MYH10: variants seen among roughly 807,000 people sequenced by gnomAD.
MYH10 encodes myosin heavy chain 10, also known as myosin-10.
A neutral mutation model predicts 257.8 loss-of-function variants in MYH10; 55 were observed. The observed-to-expected ratio is 0.21, with a 90% CI of 0.17 to 0.27. MYH10 has a LOEUF of 0.27. Among genes scored for constraint, MYH10 ranks in the 10% least tolerant of loss-of-function variants. The pLI is 1.00. For missense variants in MYH10, 1,631 were observed against 2,500.6 expected (o/e 0.65, Z 7.42); for synonymous variants, 854 against 921.7 (o/e 0.93, Z 1.33).
chr17:8,629,949 C>G (rs1039843781), intron 1 of MYH10, among the ~76,000 whole-genome samples: 2 of 151,974 alleles, frequency 1.3e-5, no homozygotes, highest in Non-Finnish European at 2.9e-5. Flanking sequence ...GCCCCTCACC[C>G]GCCGCGCGCT....
At chr17:8,517,046 G>C (rs1473929199) in intron 21 of MYH10, among the ~76,000 whole-genome samples, 1 of 151,994 alleles carries the variant, frequency 6.6e-6, no homozygotes, top group Admixed American at 6.5e-5. Context: ...GAGGCTGAGG[G>C]AGGAGAATGG....
At chr17:8,579,384 T>A (rs536707255) in intron 4 of MYH10, among the ~76,000 whole-genome samples, 44 of 152,312 alleles carry the variant, frequency 2.9e-4, no homozygotes, top group African/African-American at 1.1e-3. Context: ...TGCACCCAGA[T>A]AACCACAAAC....
Position 8,481,366 on chromosome 17 carries a change from C to T in MYH10, c.5220G>A (p.Glu1740=). 1.2e-6 allele frequency: 2 copies of T among 1,614,140 alleles called. No homozygotes were observed. Among genetic ancestry groups the T allele is most frequent in the Non-Finnish European group, 1.7e-6 (2 of 1,180,026 alleles). ...SERARRHAEQ[E]RDELADEITN... The stretch of plus-strand genomic sequence containing the variant: ...TGATCTCGTCCGCCAGCTCATCTCT[C>T]TCCTGCTCGGCGTGTCGGCGGGCTC... Residue 1740 remains glutamate, a synonymous_variant, in exon 38 of 43, where the codon GAG becomes GAA. Transcript: ENST00000360416.
Position 8,506,167 on chromosome 17 carries a change from C to A in MYH10, c.3386+151G>T. On this transcript the variant is annotated intron_variant, in intron 27 of 42. Coordinates refer to ENST00000360416, the MANE Select transcript of MYH10 (RefSeq NM_001256012.3). This position sits in a 1 kb window ranked among gnomAD's most constrained non-coding sequence, Gnocchi z 5.0. ...TTGCTGTCCTGACACAAATTCTGTA[C>A]GCCTGGGCTTTTCACTTTCTCAGGT... 2 of 676,036 alleles carry A rather than the reference C, an allele frequency of 3.0e-6. No individual in the cohort carries two copies. Among genetic ancestry groups the A allele is most frequent in the South Asian group, 2.6e-5 (1 of 38,778 alleles). 41.9% of individuals were successfully genotyped at this position (676,036 alleles called of 1,614,324 possible).
intron 3 of MYH10, among the ~76,000 whole-genome samples, chr17:8,603,185 G>A (rs147335327): frequency 3.5e-4 from 54 of 152,220 alleles, no homozygotes; most frequent in African/African-American, 1.2e-3. Context: ...TTCATCAAAT[G>A]TATCATTATC....
rs576191444 is a variant in MYH10, at chr17:8,493,425, A to G, written c.4209+308T>C. On this transcript the variant is annotated intron_variant, in intron 32 of 42. Transcript: ENST00000360416. ...TTTGTTTTTAATATTTTGAGAGAAG[A>G]AAAATCAATACTGTGATTTTAAAAC... 1.4e-4 allele frequency among the ~76,000 whole-genome samples: 21 copies of G among 152,314 alleles called. No individual in the cohort carries two copies. In the East Asian group the frequency reaches 3.9e-3, roughly 28 times the overall value.
intron 3 of MYH10, 108 bp downstream of exon 3, chr17:8,604,718 T>C: frequency 1.2e-6 from 1 of 851,832 alleles, no homozygotes; most frequent in Non-Finnish European, 1.6e-6. Context: ...TTTTTATTAA[T>C]TTTAAAAAAA....
At chr17:8,493,386 G>GA (rs1041455835) in intron 32 of MYH10, among the ~76,000 whole-genome samples, 41 of 145,250 alleles carry the variant, frequency 2.8e-4, no homozygotes, top group Middle Eastern at 3.6e-3. Flanking sequence ...TGCCTTTGAA[G>GA]AAAAAAAAAA....
At chr17:8,496,065 G>A (rs1403752464) in intron 30 of MYH10, among the ~76,000 whole-genome samples, 1 of 152,164 alleles carries the variant, frequency 6.6e-6, no homozygotes, top group Non-Finnish European at 1.5e-5. Flanking sequence ...GAATATTTAA[G>A]CTATTTCTTA....
At chr17:8,629,722 G>A (rs1339386282) in intron 1 of MYH10, among the ~76,000 whole-genome samples, 2 of 152,104 alleles carry the variant, frequency 1.3e-5, no homozygotes. Flanking sequence ...CACAATAAAG[G>A]GATCCCGAGG....
rs2082112563 is a variant in MYH10 at position 8,535,322 on chromosome 17, A to G, written c.1894+65T>C. 14 of 1,232,728 alleles carry G rather than the reference A, an allele frequency of 1.1e-5. No individual in the cohort carries two copies. Among genetic ancestry groups the G allele is most frequent in the African/African-American group, 1.5e-5 (1 of 66,084 alleles). 76.4% of individuals were successfully genotyped at this position (1,232,728 alleles called of 1,614,324 possible). A position where few individuals can be genotyped will look rare whatever the true frequency, so the allele number is the denominator to read the frequency against. ...GTATCCATATATATGTAAAAGAACC[A>G]TCTATAAACCTTAATTATAAAAGAT... On this transcript the variant is annotated intron_variant, in intron 16 of 42. Transcript: ENST00000360416. The surrounding 1 kb of genome is among the most constrained non-coding windows in gnomAD (Gnocchi z 4.3).
At chr17:8,561,395 C>T in intron 7 of MYH10, 1 of 1,067,502 alleles carries the variant, frequency 9.4e-7, no homozygotes, top group South Asian at 1.2e-5. Context: ...CATTCTGAAG[C>T]AAGTGTCTTC....
At chr17:8,538,023 T>C (rs971274747) in intron 14 of MYH10, among the ~76,000 whole-genome samples, 10 of 152,220 alleles carry the variant, frequency 6.6e-5, no homozygotes, top group African/African-American at 1.2e-4. Flanking sequence ...GGCACGGGCC[T>C]GTCAGGTGCC....
In MYH10 at chr17:8,493,792, C is replaced by T; in HGVS notation, c.4150G>A (p.Glu1384Lys). The T allele has an allele frequency of 6.2e-7, 1 of 1,613,584 alleles. No homozygotes were observed. Among genetic ancestry groups the T allele is most frequent in the Non-Finnish European group, 8.5e-7 (1 of 1,179,730 alleles). ...TTCTTCCTGGCCTCCTCCTCCTCCT[C>T]CTGCTGCTCCTGAAGACTGTTCTTC... ...EEKNSLQEQQ[E>K]EEEEARKNLE... Residue 1384 changes from glutamate (E) to lysine (K), a missense_variant, in exon 32 of 43, where the codon GAG becomes AAG. Physicochemically the swap from Glu to Lys is moderately conservative, Grantham distance 56. Around this residue, in one of 11 missense-constraint regions of MYH10, gnomAD observed 463 missense variants for 621.8 expected, o/e 0.74. Transcript: ENST00000360416.
rs777490499 is a variant in MYH10, at chr17:8,513,833, C to T, written c.2566G>A (p.Ala856Thr). 50 of 1,614,080 alleles carry T rather than the reference C, an allele frequency of 3.1e-5. No individual in the cohort carries two copies. Among genetic ancestry groups the T allele is most frequent in the East Asian group, 1.1e-4 (5 of 44,894 alleles). ...TGCCAGTGCCGTAATTTCAGGTACG[C>T]GGCACAGTTCCGCTGCAAGACCTTT... ...ALKVLQRNCA[A>T]YLKLRHWQWW... Residue 856 changes from alanine (A) to threonine (T), a missense_variant, in exon 22 of 43, where the codon GCG (alanine) becomes ACG (threonine). Around this residue, in one of 11 missense-constraint regions of MYH10, gnomAD observed 116 missense variants for 221.6 expected, o/e 0.52. Transcript: ENST00000360416.
chr17:8,551,193 C>T (rs994220470), intron 9 of MYH10, among the ~76,000 whole-genome samples: 6 of 151,086 alleles, frequency 4.0e-5, no homozygotes, highest in Admixed American at 1.3e-4. Flanking sequence ...ACTCCTATTG[C>T]AGTTATTGCC....
intron 28 of MYH10, among the ~76,000 whole-genome samples, chr17:8,502,480 T>TTGTGTGTGTGTGTGTGTGTG (rs55865122): frequency 1.5e-4 from 22 of 150,260 alleles, no homozygotes; most frequent in Admixed American, 6.0e-4. Flanking sequence ...GGGAAAATAG[T>TTGTGTGTGTGTGTGTGTGTG]TGTGTGTGTG....
chr17:8,607,165 T>C (rs992124833), intron 2 of MYH10, among the ~76,000 whole-genome samples: 1 of 152,176 alleles, frequency 6.6e-6, no homozygotes, highest in East Asian at 1.9e-4. Flanking sequence ...CCACCCTCAC[T>C]TTTTCATTCA....
chr17:8,601,399 T>C (rs776327817), intron 3 of MYH10, among the ~76,000 whole-genome samples: 11 of 152,246 alleles, frequency 7.2e-5, no homozygotes, highest in Non-Finnish European at 1.6e-4. Context: ...TTCCATGTCA[T>C]GTTGCCCTAT....
Sources: gnomAD v4.1 joint callset for allele counts (sites outside exome capture counted in the v4.1 genomes callset) on GRCh38, gnomAD v4.1.1 for gene constraint, gnomAD v4.1.1 regional missense constraint, Gnocchi (gnomAD v3.1) non-coding constraint, MANE v1.5 for transcripts, NCBI Gene and HGNC (gene_info 2026-07-23, HGNC 2026-07-21) for gene names.